Variants in KCNIP4 observed in about 807,000 individuals in gnomAD.
KCNIP4 encodes potassium voltage-gated channel interacting protein 4.
KCNIP4 carries 12 observed loss-of-function variants against 34.0 expected under a neutral mutation model. The ratio of observed to expected loss-of-function variants is 0.35; its 90% confidence interval spans 0.23 to 0.57. The LOEUF (loss-of-function observed/expected upper bound fraction) is 0.57, where lower values mean the gene tolerates loss of function less well. Among genes scored for constraint, KCNIP4 ranks in the 20% least tolerant of loss-of-function variants. The probability of loss-of-function intolerance (pLI) is 0.83; values close to 1 mark genes in which losing one functional copy is unlikely to be tolerated. For synonymous variants in KCNIP4, 124 were observed against 102.2 expected (o/e 1.21, Z -1.29); for missense variants, 238 against 311.7 (o/e 0.76, Z 1.78).
In KCNIP4 at chr4:21,856,422, T is replaced by C. The variant is rs1161651535; in HGVS notation, c.61+92149A>G. The stretch of plus-strand genomic sequence containing the variant: ...GATGCCAGTGGCAGCCCATCTGGAG[T>C]GGCTGCTGCCATGATGCCGCATGCG... On this transcript the variant is annotated intron_variant, in intron 1 of 8. Transcript: ENST00000382152. Among the ~76,000 whole-genome samples, 11 of 152,270 alleles carry C rather than the reference T, an allele frequency of 7.2e-5. No homozygotes were observed. In the East Asian group the frequency reaches 1.9e-3, roughly 27 times the overall value.
intron 1 of KCNIP4, among the ~76,000 whole-genome samples, chr4:21,024,257 G>T (rs1220017789): frequency 6.6e-6 from 1 of 152,128 alleles, no homozygotes; most frequent in Non-Finnish European, 1.5e-5. Flanking sequence ...ATGAATTTTT[G>T]AGTATCAATC....
chr4:21,372,068 T>C (rs1203682457), intron 1 of KCNIP4, among the ~76,000 whole-genome samples: 3 of 147,314 alleles, frequency 2.0e-5, no homozygotes, highest in Admixed American at 6.6e-5. Context: ...TTCAGAAGAA[T>C]GTTTGATTAA....
At chr4:21,239,142 C>T (rs1339904039) in intron 1 of KCNIP4, among the ~76,000 whole-genome samples, 74 of 151,274 alleles carry the variant, frequency 4.9e-4, no homozygotes, top group Admixed American at 2.4e-3. Context: ...CCCTATTTAA[C>T]AAATGGTGCT....
At chr4:21,273,083 C>A (rs1177647527) in intron 1 of KCNIP4, among the ~76,000 whole-genome samples, 1 of 152,088 alleles carries the variant, frequency 6.6e-6, no homozygotes, top group African/African-American at 2.4e-5. Flanking sequence ...ATGTAGTTGA[C>A]ACTATTTATT....
At chr4:20,832,522 C>G (rs1718545026) in intron 3 of KCNIP4, among the ~76,000 whole-genome samples, 1 of 152,058 alleles carries the variant, frequency 6.6e-6, no homozygotes, top group Non-Finnish European at 1.5e-5. Context: ...GTTGTGGAAT[C>G]TATAATGTAT....
At chr4:21,874,149 G>A (rs1244726050) in intron 1 of KCNIP4, among the ~76,000 whole-genome samples, 2 of 152,206 alleles carry the variant, frequency 1.3e-5, no homozygotes, top group Admixed American at 1.3e-4. Flanking sequence ...TGTTAGACCA[G>A]AATGGTTATG....
intron 1 of KCNIP4, chr4:21,718,927 A>G (rs1392634476): frequency 6.6e-6 from 1 of 152,184 alleles, no homozygotes; most frequent in Non-Finnish European, 1.5e-5. Context: ...CAACAATTGC[A>G]TTTTTTGGAT....
chr4:21,706,032 C>T (rs1034182631), intron 1 of KCNIP4, among the ~76,000 whole-genome samples: 3 of 152,044 alleles, frequency 2.0e-5, no homozygotes, highest in African/African-American at 7.2e-5. Flanking sequence ...TAATGCTATC[C>T]TTGGGAAAAC....
intron 1 of KCNIP4, among the ~76,000 whole-genome samples, chr4:21,075,211 T>C (rs1444623446): frequency 2.6e-5 from 4 of 152,180 alleles, no homozygotes; most frequent in Admixed American, 2.0e-4. Flanking sequence ...TTCTGTCTCA[T>C]TGATCTGTCT....
At chr4:21,934,827 T>C (rs904452258) in intron 1 of KCNIP4, among the ~76,000 whole-genome samples, 2 of 152,116 alleles carry the variant, frequency 1.3e-5, no homozygotes, top group Non-Finnish European at 2.9e-5. Context: ...TTTGGGCAAG[T>C]TGCTTAACCC....
intron 1 of KCNIP4, among the ~76,000 whole-genome samples, chr4:21,857,143 G>GT (rs1164007858): frequency 2.0e-5 from 3 of 152,178 alleles, no homozygotes; most frequent in Non-Finnish European, 1.5e-5. Context: ...GGGAACTTAT[G>GT]TTTTTTCTGG....
intron 1 of KCNIP4, among the ~76,000 whole-genome samples, chr4:21,208,400 G>T (rs1577890402): frequency 1.3e-5 from 2 of 151,992 alleles, no homozygotes; most frequent in Non-Finnish European, 2.9e-5. Flanking sequence ...TATGGTATTT[G>T]CCCCAATACC....
intron 1 of KCNIP4, among the ~76,000 whole-genome samples, chr4:21,675,606 A>G (rs1275097410): frequency 6.6e-6 from 1 of 151,698 alleles, no homozygotes; most frequent in Non-Finnish European, 1.5e-5. Flanking sequence ...TTATTAAAAG[A>G]AAAGAAACAC....
chr4:21,875,258 G>A (rs1002653854), intron 1 of KCNIP4, among the ~76,000 whole-genome samples: 3 of 152,142 alleles, frequency 2.0e-5, no homozygotes, highest in Non-Finnish European at 4.4e-5. Flanking sequence ...ACTCATAATG[G>A]ACACCATGAC....
intron 2 of KCNIP4, among the ~76,000 whole-genome samples, chr4:20,871,066 G>A (rs1723408416): frequency 6.6e-6 from 1 of 152,076 alleles, no homozygotes; most frequent in South Asian, 2.1e-4. Flanking sequence ...ATCTATCTTG[G>A]TTATCTTATT....
Position 21,021,519 on chromosome 4 carries a change from T to C in KCNIP4, c.62-138810A>G, listed in dbSNP as rs894197256. ...AACACATTGTATAGTTGTACAAAAATGTTTTCTTTCTTTATATTCTTATTC... is the reference window on the plus strand; with the variant it reads ...AACACATTGTATAGTTGTACAAAAACGTTTTCTTTCTTTATATTCTTATTC... On this transcript the variant is annotated intron_variant, in intron 1 of 8. Coordinates refer to ENST00000382152, the MANE Select transcript of KCNIP4 (RefSeq NM_025221.6). 7.2e-5 allele frequency among the ~76,000 whole-genome samples: 11 copies of C among 152,292 alleles called. 1 individual carries two copies. In the South Asian group the frequency reaches 1.4e-3, roughly 20 times the overall value.
At chr4:21,479,422 G>A (rs976611333) in intron 1 of KCNIP4, among the ~76,000 whole-genome samples, 1 of 152,136 alleles carries the variant, frequency 6.6e-6, no homozygotes, top group Non-Finnish European at 1.5e-5. Context: ...AAGCTCACAT[G>A]GAATGAGATA....
chr4:21,777,809 T>C (rs1242855864), intron 1 of KCNIP4, among the ~76,000 whole-genome samples: 1 of 152,238 alleles, frequency 6.6e-6, no homozygotes, highest in Non-Finnish European at 1.5e-5. Context: ...ACTTCTTGAA[T>C]AATGTTATAA....
rs1750120793 is a variant in KCNIP4, at chr4:21,121,131, G to A, written c.62-238422C>T. Among the ~76,000 whole-genome samples, 4 of 152,162 alleles carry A rather than the reference G, an allele frequency of 2.6e-5. No individual in the cohort carries two copies. The South Asian group carries it at 8.3e-4, about 32-fold the overall frequency. ...CCCCAATTCTCCAGCAAAACCGGCTGGGCAAGGCAGGAGACATTACAACTA... is the reference window on the plus strand; with the variant it reads ...CCCCAATTCTCCAGCAAAACCGGCTAGGCAAGGCAGGAGACATTACAACTA... On this transcript the variant is annotated intron_variant, in intron 1 of 8. Transcript: ENST00000382152.
Sources: gnomAD v4.1 joint callset for allele counts (sites outside exome capture counted in the v4.1 genomes callset) on GRCh38, gnomAD v4.1.1 for gene constraint, MANE v1.5 for transcripts, NCBI Gene and HGNC (gene_info 2026-07-23, HGNC 2026-07-21) for gene names.